OPCML: variants seen among roughly 807,000 people sequenced by gnomAD.
OPCML encodes opioid-binding protein/cell adhesion molecule.
Under a neutral mutation model 37.8 loss-of-function variants are expected in OPCML, and 13 were observed. That is an observed-to-expected ratio of 0.34 (90% CI 0.22 to 0.55). The LOEUF (loss-of-function observed/expected upper bound fraction) is 0.55. Among genes scored for constraint, OPCML ranks in the 20% least tolerant of loss-of-function variants. OPCML has a pLI of 0.91. For missense variants in OPCML, 341 were observed against 435.6 expected (o/e 0.78, Z 1.93); for synonymous variants, 176 against 168.8 (o/e 1.04, Z -0.33).
chr11:133,224,364 G>A (rs898541672), intron 1 of OPCML, among the ~76,000 whole-genome samples: 1 of 152,210 alleles, frequency 6.6e-6, no homozygotes. Context: ...TGATATCTTG[G>A]ATGGGTTCAC....
intron 1 of OPCML, among the ~76,000 whole-genome samples, chr11:132,982,913 C>A (rs1946617201): frequency 6.6e-6 from 1 of 152,018 alleles, no homozygotes; most frequent in African/African-American, 2.4e-5. Context: ...GGTGGCTTGG[C>A]CCCTTGTAAA....
intron 1 of OPCML, among the ~76,000 whole-genome samples, chr11:133,259,174 C>G (rs945140196): frequency 1.3e-5 from 2 of 152,080 alleles, no homozygotes; most frequent in African/African-American, 4.8e-5. Flanking sequence ...GACTTGTTCA[C>G]GGTTCCAGAG....
At chr11:133,420,922 A>T (rs1945872653) in intron 1 of OPCML, 1 of 985,284 alleles carries the variant, frequency 1.0e-6, no homozygotes, top group African/African-American at 1.7e-5. Context: ...AAAGGATTAC[A>T]GTGGCTGATA....
At chr11:132,582,430 A>G (rs2096464025) in intron 3 of OPCML, among the ~76,000 whole-genome samples, 1 of 152,164 alleles carries the variant, frequency 6.6e-6, no homozygotes. Flanking sequence ...AAAAGTTTAA[A>G]TAATCCCAGT....
chr11:133,421,756 C>A, intron 1 of OPCML: 1 of 985,250 alleles, frequency 1.0e-6, no homozygotes, highest in Non-Finnish European at 1.2e-6. Context: ...GCAATGACAC[C>A]AACAGTCCTT....
intron 3 of OPCML, among the ~76,000 whole-genome samples, chr11:132,587,746 T>C (rs1459537132): frequency 1.3e-5 from 2 of 152,176 alleles, no homozygotes; most frequent in East Asian, 3.9e-4. Context: ...GCTCCTCCCC[T>C]AATGGAATTG....
intron 1 of OPCML, among the ~76,000 whole-genome samples, chr11:132,993,768 T>C (rs1474394243): frequency 1.3e-5 from 2 of 152,176 alleles, no homozygotes; most frequent in African/African-American, 2.4e-5. Flanking sequence ...AGTTAATACA[T>C]TTTATGTGTT....
chr11:132,966,147 C>T (rs958752195), intron 1 of OPCML, among the ~76,000 whole-genome samples: 3 of 150,906 alleles, frequency 2.0e-5, no homozygotes, highest in Admixed American at 6.6e-5. Flanking sequence ...AAATTTTTCT[C>T]TTTTTAAATA....
chr11:132,855,547 C>A (rs188321483), intron 2 of OPCML, among the ~76,000 whole-genome samples: 1 of 152,272 alleles, frequency 6.6e-6, no homozygotes, highest in East Asian at 1.9e-4. Context: ...TTCATTTCTC[C>A]CGGGTTAATA....
chr11:133,306,051 A>C (rs1272207981), intron 1 of OPCML, among the ~76,000 whole-genome samples: 1 of 152,190 alleles, frequency 6.6e-6, no homozygotes, highest in Admixed American at 6.5e-5. Flanking sequence ...TATTACCATT[A>C]GAAGTACTTT....
intron 3 of OPCML, among the ~76,000 whole-genome samples, chr11:132,615,088 A>G (rs1938911942): frequency 6.6e-6 from 1 of 152,252 alleles, no homozygotes; most frequent in South Asian, 2.1e-4. Flanking sequence ...TTTGAGCTTC[A>G]AGGAGCTTGC....
chr11:133,156,014 C>A (rs980957716), intron 1 of OPCML, among the ~76,000 whole-genome samples: 1 of 152,178 alleles, frequency 6.6e-6, no homozygotes, highest in African/African-American at 2.4e-5. Flanking sequence ...GAGAGCAAGA[C>A]ACTCTGCCAC....
chr11:132,657,492 A>G (rs1941766342), intron 2 of OPCML, 173 bp from the exon 3 acceptor site: 1 of 861,648 alleles, frequency 1.2e-6, no homozygotes, highest in Admixed American at 6.2e-5. Flanking sequence ...ACTAAGAGTG[A>G]CCAGAATCAT....
At chr11:132,442,650 A>G (rs1001195046) in intron 4 of OPCML, among the ~76,000 whole-genome samples, 1 of 152,230 alleles carries the variant, frequency 6.6e-6, no homozygotes, top group Non-Finnish European at 1.5e-5. Context: ...CCCACGTGTC[A>G]AGGGCAGGGC....
intron 2 of OPCML, among the ~76,000 whole-genome samples, chr11:132,925,510 C>T (rs955195401): frequency 6.6e-5 from 10 of 152,150 alleles, no homozygotes; most frequent in Non-Finnish European, 7.3e-5. Context: ...CCCTGAGAAC[C>T]TGGTGGGGCT....
chr11:132,457,261 T>C (rs747912158), intron 4 of OPCML, among the ~76,000 whole-genome samples: 6 of 152,058 alleles, frequency 3.9e-5, no homozygotes, highest in Admixed American at 2.0e-4. Context: ...CATGCATGAG[T>C]GGCCTTGAAC....
At chr11:132,456,847 T>G (rs2096084302) in intron 4 of OPCML, among the ~76,000 whole-genome samples, 1 of 152,266 alleles carries the variant, frequency 6.6e-6, no homozygotes. Context: ...TTTTTACAAT[T>G]CCCTGATTAA....
intron 4 of OPCML, among the ~76,000 whole-genome samples, chr11:132,504,847 G>C (rs1286359711): frequency 6.6e-6 from 1 of 152,064 alleles, no homozygotes; most frequent in African/African-American, 2.4e-5. Context: ...GTGCTCAAGG[G>C]TGTGAATATC....
At chr11:132,713,031 A>G (rs1944329538) in intron 2 of OPCML, among the ~76,000 whole-genome samples, 1 of 151,740 alleles carries the variant, frequency 6.6e-6, no homozygotes, top group Non-Finnish European at 1.5e-5. Context: ...ACCCCAACAC[A>G]GGCGCCTGCT....
Sources: allele counts gnomAD v4.1 joint callset (sites outside exome capture counted in the v4.1 genomes callset), GRCh38; gene constraint gnomAD v4.1.1; transcripts MANE v1.5; gene names NCBI Gene and HGNC (gene_info 2026-07-23, HGNC 2026-07-21).